Variants in CGB1 observed in about 807,000 individuals in gnomAD.
CGB1 encodes the protein chorionic gonadotropin subunit beta 1, also known as choriogonadotropin subunit beta variant 1.
In CGB1, 4 loss-of-function variants were observed where a neutral mutation model predicts 7.0. The observed-to-expected ratio is 0.57, with a 90% CI of 0.28 to 1.31. The LOEUF is 1.31. Among genes scored for constraint, CGB1 ranks in the 50% most tolerant of loss-of-function variants. The pLI, the probability that CGB1 is intolerant of heterozygous loss-of-function variation, is 0.10. For missense variants in CGB1, 139 were observed against 219.1 expected (o/e 0.63, Z 2.31); for synonymous variants, 72 against 96.4 (o/e 0.75, Z 1.48).
Position 49,036,892 on chromosome 19 carries a change from C to G in CGB1, c.-181G>C, listed in dbSNP as rs1488096349. 1 of 810,984 alleles carries G rather than the reference C, an allele frequency of 1.2e-6. No homozygotes were observed. The highest frequency in any genetic ancestry group is 2.8e-5 in the East Asian group (1 of 35,148). 50.2% of individuals were successfully genotyped at this position (810,984 alleles called of 1,614,324 possible). A position where few individuals can be genotyped will look rare whatever the true frequency, so the allele number is the denominator to read the frequency against. On this transcript the variant is annotated 5_prime_UTR_variant, in exon 1 of 3. Transcript: ENST00000301407. The stretch of plus-strand genomic sequence containing the variant: ...TCAGATGCAGTTCCCCTTCCTCCCT[C>G]CAGGGGGCGCCACGGAACGCAGGGC...
chr19:49,036,299 A>T lies in CGB1; in HGVS notation c.14T>A (p.Leu5Gln). The change falls in exon 2 of 3, where the codon CTG (leucine) becomes CAG (glutamine). Residue 5 changes from leucine (L) to glutamine (Q), a missense_variant. Transcript: ENST00000301407. MSKR[L>Q]LLLLLLSMGG... ...CATGCTCAGCAGCAGCAACAGCAGC[A>T]GCCTCTGGGGCAAGGACACTGCTTC... The T allele has an allele frequency of 6.2e-7, 1 of 1,605,866 alleles. No homozygotes were observed. The highest frequency in any genetic ancestry group is 8.5e-7 in the Non-Finnish European group (1 of 1,179,520).
At position 49,035,719 on chromosome 19, in the gene CGB1, C is replaced by T. The variant is rs199498446; in HGVS notation, c.359G>A (p.Gly120Asp). The change falls in exon 3 of 3, where the codon GGT becomes GAT. Residue 120 changes from glycine (G) to aspartate (D), a missense_variant. Gly to Asp is a moderately conservative substitution (Grantham distance 94, BLOSUM62 -1). This residue lies in a region of CGB1 where 60 missense variants were observed against 105.8 expected (regional missense o/e 0.57). Coordinates refer to ENST00000301407, the MANE Select transcript of CGB1 (RefSeq NM_033377.2). ...LCRRSTTDCG[G>D]PKDHPLTCDD... Reference sequence around the variant, plus strand: ...ACAGGTCAAGGGGTGGTCCTTGGGACCCCCGCAGTCAGTGGTGCTGCGGCG... The same window carrying T: ...ACAGGTCAAGGGGTGGTCCTTGGGATCCCCGCAGTCAGTGGTGCTGCGGCG... 6.2e-7 allele frequency: 1 copy of T among 1,608,384 alleles called. No individual in the cohort carries two copies. Among genetic ancestry groups the T allele is most frequent in the Non-Finnish European group, 8.5e-7 (1 of 1,178,842 alleles).
chr19:49,036,879 C>T lies in CGB1; in HGVS notation c.-168G>A. Reference sequence around the variant, plus strand: ...TGGCTGCTCTCTCTCAGATGCAGTTCCCCTTCCTCCCTCCAGGGGGCGCCA... The same window carrying T: ...TGGCTGCTCTCTCTCAGATGCAGTTTCCCTTCCTCCCTCCAGGGGGCGCCA... On this transcript the variant is annotated 5_prime_UTR_variant, in exon 1 of 3. Coordinates refer to ENST00000301407, the MANE Select transcript of CGB1 (RefSeq NM_033377.2). 2.2e-6 allele frequency: 2 copies of T among 920,246 alleles called. No homozygotes were observed. The highest frequency in any genetic ancestry group is 4.1e-5 in the Admixed American group (2 of 48,282). 57.0% of individuals were successfully genotyped at this position (920,246 alleles called of 1,614,324 possible).
chr19:49,036,575 A>G, intron 1 of CGB1, 128 bp downstream of exon 1: 1 of 1,613,314 alleles, frequency 6.2e-7, no homozygotes, highest in Non-Finnish European at 8.5e-7. Context: ...CTCCTTCCAC[A>G]GCTCACACGG....
At chr19:49,036,593 C>T (rs948098576) in intron 1 of CGB1, 110 bp downstream of exon 1, 3 of 1,613,912 alleles carry the variant, frequency 1.9e-6, no homozygotes, top group Admixed American at 1.7e-5. Context: ...CGGGTCTGCC[C>T]CTTCTCATGC....
In CGB1 at chr19:49,035,918, G is replaced by A. The variant is rs1300084498; in HGVS notation, c.178-18C>T. 2 of 1,236,496 alleles carry A rather than the reference G, an allele frequency of 1.6e-6. No homozygotes were observed. The highest frequency in any genetic ancestry group is 1.6e-5 in the African/African-American group (1 of 62,836). 76.6% of individuals were successfully genotyped at this position (1,236,496 alleles called of 1,614,324 possible). A position where few individuals can be genotyped will look rare whatever the true frequency, so the allele number is the denominator to read the frequency against. ...ACGCGGGTCTGGAAGCCGTGTGAGT[G>A]GGGGAATGAGCATGTGCCTGGGGCC... On this transcript the variant is annotated intron_variant, in intron 2 of 2. Transcript: ENST00000301407.
At position 49,036,400 on chromosome 19, in the gene CGB1, A is replaced by T. The variant is rs551953007; in HGVS notation, c.10-97T>A. 60 of 1,599,852 alleles carry T rather than the reference A, an allele frequency of 3.8e-5. No individual in the cohort carries two copies. In the East Asian group the frequency reaches 1.2e-3, roughly 33 times the overall value. On this transcript the variant is annotated intron_variant, in intron 1 of 2. Transcript: ENST00000301407. ...GTACACCACCCACAAAGACCCAGAG[A>T]CCCTTCCCGGCATCTTCTATTCAGG...
rs2039826183 is a variant in CGB1, at chr19:49,036,798, G to T, written c.-87C>A. The T allele has an allele frequency of 6.3e-7, 1 of 1,597,564 alleles. No homozygotes were observed. Among genetic ancestry groups the T allele is most frequent in the Non-Finnish European group, 8.6e-7 (1 of 1,165,468 alleles). ...GAGTCTCCGTGGGGGAGTGAGACAGGGAGTGAGGGGTGTTGGACGCGGCAC... is the reference window on the plus strand; with the variant it reads ...GAGTCTCCGTGGGGGAGTGAGACAGTGAGTGAGGGGTGTTGGACGCGGCAC... On this transcript the variant is annotated 5_prime_UTR_variant, in exon 1 of 3. Coordinates refer to ENST00000301407, the MANE Select transcript of CGB1 (RefSeq NM_033377.2).
At chr19:49,036,523 C>G in intron 1 of CGB1, 180 bp downstream of exon 1, 7 of 1,598,912 alleles carry the variant, frequency 4.4e-6, no homozygotes, top group Non-Finnish European at 6.0e-6. Context: ...GGAACTGACC[C>G]ACCTGAAGCT....
At chr19:49,036,676 G>T (rs1316179512) in intron 1 of CGB1, 27 bp downstream of exon 1, 3 of 1,613,822 alleles carry the variant, frequency 1.9e-6, no homozygotes, top group Non-Finnish European at 1.7e-6. Context: ...TCCATCTTTG[G>T]TGCCCGGAAA....
At chr19:49,036,468 C>A (rs1012223893) in intron 1 of CGB1, 165 bp from the exon 2 acceptor site, 8 of 1,553,822 alleles carry the variant, frequency 5.1e-6, no homozygotes, top group African/African-American at 4.1e-5. Flanking sequence ...CACCCCACAG[C>A]CCAGAGGACC....
rs377262139 is a variant in CGB1 at position 49,035,774 on chromosome 19, C to T, written c.304G>A (p.Val102Met). The T allele has an allele frequency of 1.3e-5, 21 of 1,604,736 alleles. No individual in the cohort carries two copies. The highest frequency in any genetic ancestry group is 5.5e-5 in the African/African-American group (4 of 72,488). Residue 102 changes from valine to methionine, a missense_variant, in exon 3 of 3, where the codon GTG becomes ATG. Coordinates refer to ENST00000301407, the MANE Select transcript of CGB1 (RefSeq NM_033377.2). ...AGTGCACATTGACAGCTGAGAGCCA[C>T]GGCGTAGGAGACCACGGGGTTCACG... ...RGVNPVVSYA[V>M]ALSCQCALCR...
intron 1 of CGB1, 139 bp from the exon 2 acceptor site, chr19:49,036,442 C>A (rs1231707015): frequency 6.4e-7 from 1 of 1,568,074 alleles, no homozygotes; most frequent in Admixed American, 1.8e-5. Context: ...CACCCGGACA[C>A]CTGCCTTTCA....
chr19:49,036,725 CG>C lies in CGB1; in HGVS notation c.-15del, dbSNP rs2039824813. The C allele has an allele frequency of 6.2e-7, 1 of 1,613,850 alleles. No homozygotes were observed. The highest frequency in any genetic ancestry group is 8.5e-7 in the Non-Finnish European group (1 of 1,179,802). On this transcript the variant is annotated 5_prime_UTR_variant, in exon 1 of 3. An upstream open reading frame in the 5' UTR gains an earlier in-frame stop. Coordinates refer to ENST00000301407, the MANE Select transcript of CGB1 (RefSeq NM_033377.2). The stretch of plus-strand genomic sequence containing the variant: ...TACCTTTGACATGTCTCTCTCTTAG[CG>C]GGATATCTTCCGCAAGCACTGGGAA...
rs374210570 is a variant in CGB1 at position 49,035,740 on chromosome 19, C to A, written c.338G>T (p.Arg113Leu). ...GGGACCCCCGCAGTCAGTGGTGCTG[C>A]GGCGGCAGAGTGCACATTGACAGCT... is the stretch of plus-strand genomic sequence containing the variant. The part of the protein sequence containing the change: ...ALSCQCALCR[R>L]STTDCGGPKD... The change falls in exon 3 of 3, where the codon CGC (arginine) becomes CTC (leucine). Residue 113 changes from arginine (R) to leucine (L), a missense_variant. Coordinates refer to ENST00000301407, the MANE Select transcript of CGB1 (RefSeq NM_033377.2). 6.2e-7 allele frequency: 1 copy of A among 1,608,058 alleles called. No individual in the cohort carries two copies. Among genetic ancestry groups the A allele is most frequent in the Non-Finnish European group, 8.5e-7 (1 of 1,178,666 alleles).
chr19:49,036,819 G>A lies in CGB1; in HGVS notation c.-108C>T, dbSNP rs1211192571. ...ACAGGGAGTGAGGGGTGTTGGACGCGGCACGGGAACCTGGCCAGAGTCAGC... is the reference window on the plus strand; with the variant it reads ...ACAGGGAGTGAGGGGTGTTGGACGCAGCACGGGAACCTGGCCAGAGTCAGC... On this transcript the variant is annotated 5_prime_UTR_variant, in exon 1 of 3. Transcript: ENST00000301407. 3.9e-5 allele frequency: 60 copies of A among 1,542,748 alleles called. No individual in the cohort carries two copies. The highest frequency in any genetic ancestry group is 5.0e-5 in the Non-Finnish European group (56 of 1,116,836).
At chr19:49,036,438 G>C (rs1371826121) in intron 1 of CGB1, 135 bp from the exon 2 acceptor site, 1 of 1,571,096 alleles carries the variant, frequency 6.4e-7, no homozygotes, top group Admixed American at 1.8e-5. Context: ...CCACCACCCG[G>C]ACACCTGCCT....
chr19:49,036,542 G>A (rs112028365), intron 1 of CGB1, 161 bp downstream of exon 1: 3 of 1,607,644 alleles, frequency 1.9e-6, no homozygotes, highest in African/African-American at 1.3e-5. Context: ...CTTACTGGGG[G>A]TCACGCTCCT....
At position 49,036,738 on chromosome 19, in the gene CGB1, G is replaced by A. The variant is rs1260481965; in HGVS notation, c.-27C>T. 2.5e-6 allele frequency: 4 copies of A among 1,613,644 alleles called. No homozygotes were observed. Among genetic ancestry groups the A allele is most frequent in the African/African-American group, 2.7e-5 (2 of 74,904 alleles). ...TCTCTCTCTTAGCGGGATATCTTCC[G>A]CAAGCACTGGGAATGTGGACATGGA... On this transcript the variant is annotated 5_prime_UTR_variant, in exon 1 of 3. Transcript: ENST00000301407.
Sources: gnomAD v4.1 joint callset for allele counts on GRCh38, gnomAD v4.1.1 for gene constraint, gnomAD v4.1.1 regional missense constraint, MANE v1.5 for transcripts, NCBI Gene and HGNC (gene_info 2026-07-23, HGNC 2026-07-21) for gene names.